PLA2R1: variants seen among roughly 807,000 people sequenced by gnomAD.
PLA2R1 encodes phospholipase A2 receptor 1, also known as secretory phospholipase A2 receptor.
PLA2R1 carries 158 observed loss-of-function variants against 195.9 expected under a neutral mutation model. That is an observed-to-expected ratio of 0.81 (90% CI 0.71 to 0.92). PLA2R1 has a LOEUF of 0.92. Among genes scored for constraint, PLA2R1 ranks in the 40% least tolerant of loss-of-function variants. The pLI is 0.00. For synonymous variants in PLA2R1, 586 were observed against 598.2 expected, an observed-to-expected ratio of 0.98 and a Z score of 0.30; for missense variants, 1,626 against 1,764.6, an observed-to-expected ratio of 0.92 and a Z score of 1.41.
At chr2:160,022,913 T>C in intron 6 of PLA2R1, 54 bp from the exon 7 acceptor site, 1 of 1,201,020 alleles carries the variant, frequency 8.3e-7, no homozygotes, top group Non-Finnish European at 1.2e-6. Flanking sequence ...TTAACATTAC[T>C]TATTACAGCT....
chr2:159,944,688 A>G (rs1433576420), intron 28 of PLA2R1, among the ~76,000 whole-genome samples: 1 of 152,246 alleles, frequency 6.6e-6, no homozygotes, highest in East Asian at 1.9e-4. Context: ...GAAAAATCAT[A>G]GTCTTTGAGT....
At position 160,048,405 on chromosome 2, in the gene PLA2R1, T is replaced by C. The variant is rs913390300; in HGVS notation, c.110-3248A>G. Among the ~76,000 whole-genome samples, 4 of 152,318 alleles carry C rather than the reference T, an allele frequency of 2.6e-5. No individual in the cohort carries two copies. The East Asian group carries it at 5.8e-4, about 22-fold the overall frequency. Reference sequence around the variant, plus strand: ...ATAATCAACATGCTGCCTCCAAATATACTAAGTTAAAAAATGACTTGAGCC... The same window carrying C: ...ATAATCAACATGCTGCCTCCAAATACACTAAGTTAAAAAATGACTTGAGCC... On this transcript the variant is annotated intron_variant, in intron 1 of 29. Coordinates refer to ENST00000283243, the MANE Select transcript of PLA2R1 (RefSeq NM_007366.5).
intron 23 of PLA2R1, among the ~76,000 whole-genome samples, chr2:159,954,190 C>A (rs1275652542): frequency 6.6e-6 from 1 of 152,056 alleles, no homozygotes; most frequent in Non-Finnish European, 1.5e-5. Flanking sequence ...GAGACTTTTA[C>A]CTACTTCATA....
chr2:160,061,753 C>A (rs1181710999), intron 1 of PLA2R1, among the ~76,000 whole-genome samples: 3 of 152,040 alleles, frequency 2.0e-5, no homozygotes, highest in Admixed American at 1.3e-4. Flanking sequence ...ACAGCCTGGG[C>A]GACAGAGCAA....
chr2:160,044,683 A>T, intron 2 of PLA2R1, 91 bp downstream of exon 2: 1 of 1,108,806 alleles, frequency 9.0e-7, no homozygotes, highest in African/African-American at 1.6e-5. Flanking sequence ...GGCTTCGTGT[A>T]CTTCTTTCAC....
intron 22 of PLA2R1, 108 bp from the exon 23 acceptor site, chr2:159,955,454 T>C (rs1688023391): frequency 2.9e-6 from 2 of 680,996 alleles, no homozygotes; most frequent in Admixed American, 3.5e-5. Flanking sequence ...ATTATTCCTT[T>C]ATTCGCATTT....
rs755791824 is a variant in PLA2R1 at position 160,020,143 on chromosome 2, G to A, written c.1415C>T (p.Pro472Leu). The change falls in exon 8 of 30, where the codon CCA becomes CTA. Residue 472 changes from proline (P) to leucine (L), a missense_variant. Pro to Leu is a moderately conservative substitution (Grantham distance 98, BLOSUM62 -3). Transcript: ENST00000283243. ...TGAGACACACAGCTGGCTTCTATTT[G>A]GAAAAATGTGGGGCTCAAGTGTGTG... Reference protein sequence around the residue: ...NWHTLEPHIFPNRSQLCVSAE... With the variant: ...NWHTLEPHIFLNRSQLCVSAE... 6.2e-7 allele frequency: 1 copy of A among 1,613,786 alleles called. No homozygotes were observed. Among genetic ancestry groups the A allele is most frequent in the East Asian group, 2.2e-5 (1 of 44,870 alleles).
At chr2:159,976,789 G>T in intron 15 of PLA2R1, 69 bp from the exon 16 acceptor site, 2 of 1,113,940 alleles carry the variant, frequency 1.8e-6, no homozygotes, top group Non-Finnish European at 2.8e-6. Context: ...AATTACTTCA[G>T]CTCTAAACAC....
intron 20 of PLA2R1, among the ~76,000 whole-genome samples, chr2:159,964,942 A>T (rs915938950): frequency 3.3e-5 from 5 of 151,992 alleles, no homozygotes; most frequent in African/African-American, 1.2e-4. Context: ...CAAGAGAATC[A>T]CTTGAACCTG....
chr2:160,047,211 A>G (rs1694923098), intron 1 of PLA2R1, among the ~76,000 whole-genome samples: 1 of 152,142 alleles, frequency 6.6e-6, no homozygotes, highest in Non-Finnish European at 1.5e-5. Flanking sequence ...GCTCCATCTC[A>G]GTGAGCCTCA....
rs1489949863 is a variant in PLA2R1 at position 160,016,701 on chromosome 2, C to G, written c.1464G>C (p.Trp488Cys). 2.2e-5 allele frequency: 35 copies of G among 1,571,256 alleles called. No homozygotes were observed. Among genetic ancestry groups the G allele is most frequent in the Non-Finnish European group, 3.0e-5 (34 of 1,140,920 alleles). The stretch of plus-strand genomic sequence containing the variant: ...GTCTTTCTTCACAATTTTTGACTTT[C>G]CAGTGTCCCTCCTACGGAGAAAAAT... The part of the protein sequence containing the change: ...CVSAEQSEGH[W>C]KVKNCEERLF... The change falls in exon 9 of 30, where the codon TGG becomes TGC. Residue 488 changes from tryptophan (W) to cysteine (C), a missense_variant. Coordinates refer to ENST00000283243, the MANE Select transcript of PLA2R1 (RefSeq NM_007366.5).
In PLA2R1 at chr2:159,976,080, G is replaced by A; in HGVS notation, c.2583C>T (p.Ser861=). 1 of 1,550,542 alleles carries A rather than the reference G, an allele frequency of 6.4e-7. No homozygotes were observed. Among genetic ancestry groups the A allele is most frequent in the South Asian group, 1.1e-5 (1 of 90,138 alleles). The stretch of plus-strand genomic sequence containing the variant: ...TATGTTCAAGTACCGCTTTTATTTT[G>A]CTGTGGATGAATTCTTGCTCATGTG... ...HSAHEQEFIH[S]KIKALSKYGA... is the part of the protein sequence containing the mutation. The change falls in exon 17 of 30, where the codon AGC becomes AGT. Residue 861 remains serine (S), a synonymous_variant. Coordinates refer to ENST00000283243, the MANE Select transcript of PLA2R1 (RefSeq NM_007366.5).
chr2:160,056,445 C>T (rs1035343474), intron 1 of PLA2R1, among the ~76,000 whole-genome samples: 3 of 152,198 alleles, frequency 2.0e-5, no homozygotes, highest in African/African-American at 7.2e-5. Flanking sequence ...TTGGTGACCA[C>T]TCCCACAAAC....
At position 159,949,647 on chromosome 2, in the gene PLA2R1, C is replaced by T. The variant is rs199756577; in HGVS notation, c.3670G>A (p.Glu1224Lys). The part of the protein sequence containing the change: ...SNGRWHSTAC[E>K]SFLQGAICHV... ...CAAATGGCACCTTGCAGAAATGACT[C>T]GCAGGCTGTGCTATGCCAGCGTCCG... is the stretch of plus-strand genomic sequence containing the variant. Residue 1224 changes from glutamate to lysine, a missense_variant, in exon 25 of 30, where the codon GAG becomes AAG. Transcript: ENST00000283243. 2.1e-5 allele frequency: 34 copies of T among 1,614,040 alleles called. No individual in the cohort carries two copies. Among genetic ancestry groups the T allele is most frequent in the Middle Eastern group, 1.7e-4 (1 of 6,056 alleles).
Position 160,032,947 on chromosome 2 carries a change from C to A in PLA2R1, c.841+12G>T. On this transcript the variant is annotated intron_variant, in intron 4 of 29. Coordinates refer to ENST00000283243, the MANE Select transcript of PLA2R1 (RefSeq NM_007366.5). ...TTGTATCAATATCAATGTGCGTCAT[C>A]CACCTACTTACCCCTTATGAAATTT... 1 of 1,568,210 alleles carries A rather than the reference C, an allele frequency of 6.4e-7. No individual in the cohort carries two copies. The highest frequency in any genetic ancestry group is 8.8e-7 in the Non-Finnish European group (1 of 1,142,082).
intron 20 of PLA2R1, 47 bp downstream of exon 20, chr2:159,967,492 G>C (rs1688863408): frequency 2.0e-6 from 3 of 1,512,658 alleles, no homozygotes; most frequent in African/African-American, 2.8e-5. Flanking sequence ...TCCAAAATTA[G>C]TGTCTACAAA....
intron 3 of PLA2R1, among the ~76,000 whole-genome samples, chr2:160,034,477 T>C (rs1278294478): frequency 6.6e-6 from 1 of 152,198 alleles, no homozygotes; most frequent in African/African-American, 2.4e-5. Flanking sequence ...CCCATTGAGA[T>C]GGAATCCTTA....
the PLA2R1 span, among the ~76,000 whole-genome samples, chr2:159,926,760 G>C: frequency 6.6e-6 from 1 of 152,096 alleles, no homozygotes; most frequent in Non-Finnish European, 1.5e-5. Flanking sequence ...AAGGGATGAT[G>C]AACTACCCCT....
chr2:159,935,325 C>G lies in PLA2R1; in HGVS notation c.*6453G>C, dbSNP rs1686770648. On this transcript the variant is annotated 3_prime_UTR_variant, in exon 30 of 30. Coordinates refer to ENST00000283243, the MANE Select transcript of PLA2R1 (RefSeq NM_007366.5). Reference sequence around the variant, plus strand: ...ATTCACCCACTAACTTTTGCACCAACTGGTAGGTCTTGCCAACAATTATTA... The same window carrying G: ...ATTCACCCACTAACTTTTGCACCAAGTGGTAGGTCTTGCCAACAATTATTA... 1 of 152,208 alleles carries G rather than the reference C, an allele frequency of 6.6e-6. No homozygotes were observed. The highest frequency in any genetic ancestry group is 2.4e-5 in the African/African-American group (1 of 41,460). 9.4% of individuals were successfully genotyped at this position (152,208 alleles called of 1,614,324 possible). A position where few individuals can be genotyped will look rare whatever the true frequency, so the allele number is the denominator to read the frequency against.
Sources: gnomAD v4.1 joint callset for allele counts (sites outside exome capture counted in the v4.1 genomes callset) on GRCh38, gnomAD v4.1.1 for gene constraint, MANE v1.5 for transcripts, NCBI Gene and HGNC (gene_info 2026-07-23, HGNC 2026-07-21) for gene names.